Variants in BEST4 observed in about 807,000 individuals in gnomAD.
BEST4 encodes bestrophin 4.
In BEST4, 36 loss-of-function variants were observed where a neutral mutation model predicts 47.1. The ratio of observed to expected loss-of-function variants is 0.76; its 90% CI spans 0.59 to 1.01. BEST4 has a LOEUF of 1.01. Among genes scored for constraint, BEST4 ranks in the 50% least tolerant of loss-of-function variants. BEST4 has a pLI of 0.00. For missense variants in BEST4, 550 were observed against 648.6 expected (o/e 0.85, Z 1.65); for synonymous variants, 250 against 277.8 (o/e 0.90, Z 1.00).
chr1:44,784,335 C>G lies in BEST4; in HGVS notation c.1297G>C (p.Val433Leu), dbSNP rs59895800. 0.19 allele frequency: 259,622 copies of G among 1,390,778 alleles called. 24,809 individuals are homozygous for G. Among genetic ancestry groups the G allele is most frequent in the Non-Finnish European group, 0.19 (209,849 of 1,081,852 alleles). 86.2% of individuals were successfully genotyped at this position (1,390,778 alleles called of 1,614,324 possible). A position where few individuals can be genotyped will look rare whatever the true frequency, so the allele number is the denominator to read the frequency against. Residue 433 changes from valine to leucine, a missense_variant, in exon 9 of 9, where the codon GTG becomes CTG. By Grantham distance (32) the Val-to-Leu change is conservative. Around this residue, in one of 3 missense-constraint regions of BEST4, gnomAD observed 255 missense variants for 286.6 expected, o/e 0.89. Coordinates refer to ENST00000372207, the MANE Select transcript of BEST4 (RefSeq NM_153274.3). The surrounding 1 kb of genome is among the most constrained non-coding windows in gnomAD (Gnocchi z 6.2). ...PAISLRNFGR[V>L]RGTPRPPHLL... ...TGCGGGGGGCGGGGGGTGCCTCGCA[C>G]GCGGCCGAAGTTCCGGAGGCTGATG...
At chr1:44,785,896 G>A (rs1031540529) in intron 4 of BEST4, among the ~76,000 whole-genome samples, 178 bp downstream of exon 4, 2 of 152,302 alleles carry the variant, frequency 1.3e-5, no homozygotes, top group Admixed American at 6.5e-5. Context: ...GTGCAAGGAG[G>A]ATGATAGTAC....
rs1328703401 is a variant in BEST4 at position 44,787,580 on chromosome 1, C to G, written c.126G>C (p.Leu42Phe). Residue 42 changes from leucine (L) to phenylalanine (F), a missense_variant, in exon 1 of 9, where the codon TTG becomes TTC. Physicochemically the swap from Leu to Phe is conservative, Grantham distance 22. This residue lies in a region of BEST4 where 291 missense variants were observed against 342.4 expected (regional missense o/e 0.85). Coordinates refer to ENST00000372207, the MANE Select transcript of BEST4 (RefSeq NM_153274.3). ...LYKEFLLFGA[L>F]YAVLSITYRL... ...GGTAGGTGATGCTAAGCACAGCGTA[C>G]AAGGCCCCAAAGAGGAGGAATTCCT... The G allele has an allele frequency of 6.2e-7, 1 of 1,614,096 alleles. No homozygotes were observed.
chr1:44,782,243 A>G (rs1276290139), downstream of BEST4, among the ~76,000 whole-genome samples: 1 of 152,142 alleles, frequency 6.6e-6, no homozygotes, highest in African/African-American at 2.4e-5. Flanking sequence ...CAGAAAAAAA[A>G]AAAAAAACCT....
chr1:44,785,132 G>C lies in BEST4; in HGVS notation c.888C>G (p.Phe296Leu), dbSNP rs1227368775. 4 of 1,613,946 alleles carry C rather than the reference G, an allele frequency of 2.5e-6. No homozygotes were observed. The highest frequency in any genetic ancestry group is 3.4e-6 in the Non-Finnish European group (4 of 1,179,940). Residue 296 changes from phenylalanine to leucine, a missense_variant, in exon 6 of 9, where the codon TTC becomes TTG. Transcript: ENST00000372207. ...CCTTGAGCCAGCCAGCATAGAAGAAGAACTGCAGCAGAGTGGTGAGAGGCA... is the reference window on the plus strand; with the variant it reads ...CCTTGAGCCAGCCAGCATAGAAGAACAACTGCAGCAGAGTGGTGAGAGGCA... ...MYVPLTTLLQ[F>L]FFYAGWLKVA...
chr1:44,790,833 C>A (rs1651390198), upstream of BEST4, among the ~76,000 whole-genome samples: 1 of 152,032 alleles, frequency 6.6e-6, no homozygotes, highest in Non-Finnish European at 1.5e-5. Flanking sequence ...ATCACTTGAG[C>A]CCAGGAGTTT....
chr1:44,784,206 G>A lies in BEST4; in HGVS notation c.*4C>T. 2 of 1,420,268 alleles carry A rather than the reference G, an allele frequency of 1.4e-6. No individual in the cohort carries two copies. Among genetic ancestry groups the A allele is most frequent in the South Asian group, 1.5e-5 (1 of 67,730 alleles). 88.0% of individuals were successfully genotyped at this position (1,420,268 alleles called of 1,614,324 possible). ...GGGGAAACCGGGCGGGGGCAGGCGA[G>A]ACCTCAGGGCTCCAGGGCCTCGTCC... On this transcript the variant is annotated 3_prime_UTR_variant, in exon 9 of 9. Transcript: ENST00000372207. This position sits in a 1 kb window ranked among gnomAD's most constrained non-coding sequence, Gnocchi z 6.2.
rs1438221829 is a variant in BEST4, at chr1:44,784,259, C to T, written c.1373G>A (p.Arg458His). ...GGACTCCGCCGATTCCTCCTCGATG[C>T]GGGCTGCGGCCTCGGGGTCGCCGCC... Reference protein sequence around the residue: ...EEGGDPEAAARIEEESAESGD... With the variant: ...EEGGDPEAAAHIEEESAESGD... Residue 458 changes from arginine (R) to histidine (H), a missense_variant, in exon 9 of 9, where the codon CGC becomes CAC. By Grantham distance (29) the Arg-to-His change is conservative. This residue lies in a region of BEST4 where 255 missense variants were observed against 286.6 expected (regional missense o/e 0.89). Transcript: ENST00000372207. The surrounding 1 kb of genome is among the most constrained non-coding windows in gnomAD (Gnocchi z 6.2). 2.1e-6 allele frequency: 3 copies of T among 1,451,542 alleles called. No individual in the cohort carries two copies. The highest frequency in any genetic ancestry group is 2.7e-5 in the Admixed American group (1 of 36,944). The allele number at this position is 1,451,542 out of a possible 1,614,324, so 89.9% of individuals were successfully genotyped here.
At chr1:44,788,846 G>C (rs534148085), upstream of BEST4, among the ~76,000 whole-genome samples, 1 of 152,330 alleles carries the variant, frequency 6.6e-6, no homozygotes, top group South Asian at 2.1e-4. Flanking sequence ...TCAGGCCTAG[G>C]AGTGCAGGCT....
chr1:44,789,761 T>C (rs961032868), upstream of BEST4, among the ~76,000 whole-genome samples: 1 of 151,958 alleles, frequency 6.6e-6, no homozygotes, highest in African/African-American at 2.4e-5. Flanking sequence ...TGGAAGAGAA[T>C]TGGCAGCTTA....
At chr1:44,789,464 C>T (rs1165463138), upstream of BEST4, among the ~76,000 whole-genome samples, 5 of 150,192 alleles carry the variant, frequency 3.3e-5, no homozygotes, top group African/African-American at 4.9e-5. Flanking sequence ...TTTGGGAGGC[C>T]GAGGCAGGCG....
In BEST4 at chr1:44,786,719, G is replaced by A. The variant is rs1346832271; in HGVS notation, c.248-23C>T. On this transcript the variant is annotated intron_variant, in intron 2 of 8. Transcript: ENST00000372207. This position sits in a 1 kb window ranked among gnomAD's most constrained non-coding sequence, Gnocchi z 4.9. ...AACCTGCTTGGCCGCCGTGATAGAG[G>A]GAGTAGGAAGGGAGAGTGGAGAGCC... The A allele has an allele frequency of 2.6e-6, 4 of 1,529,218 alleles. No individual in the cohort carries two copies. Among genetic ancestry groups the A allele is most frequent in the African/African-American group, 1.4e-5 (1 of 72,608 alleles). 94.7% of individuals were successfully genotyped at this position (1,529,218 alleles called of 1,614,324 possible).
chr1:44,784,631 C>A lies in BEST4; in HGVS notation c.1146G>T (p.Leu382=). The change falls in exon 8 of 9, where the codon CTG becomes CTT. Residue 382 remains leucine (L), a splice_region_variant and synonymous_variant. Coordinates refer to ENST00000372207, the MANE Select transcript of BEST4 (RefSeq NM_153274.3). The surrounding 1 kb of genome is among the most constrained non-coding windows in gnomAD (Gnocchi z 6.2). ...CAGGCCCAGTGCAAGCCACTCACCG[C>A]AGGTTGAAGGTGGAGCCCAGGAATG... ...RPSFLGSTFN[L]RMSDDPEQSL... is the part of the protein sequence containing the mutation. 6.2e-7 allele frequency: 1 copy of A among 1,612,912 alleles called. No homozygotes were observed. Among genetic ancestry groups the A allele is most frequent in the Non-Finnish European group, 8.5e-7 (1 of 1,179,672 alleles).
Position 44,784,390 on chromosome 1 carries a change from G to A in BEST4, c.1242C>T (p.Arg414=). ...GGGAGGGCGCCCCTACGCCCAGGAA[G>A]CGGCCGAGCAACGGGGTCTGCGCGG... is the stretch of plus-strand genomic sequence containing the variant. ...APAAQTPLLG[R]FLGVGAPSPA... Residue 414 remains arginine (R), a synonymous_variant, in exon 9 of 9, where the codon CGC becomes CGT. Coordinates refer to ENST00000372207, the MANE Select transcript of BEST4 (RefSeq NM_153274.3). This position sits in a 1 kb window ranked among gnomAD's most constrained non-coding sequence, Gnocchi z 6.2. 2 of 1,402,536 alleles carry A rather than the reference G, an allele frequency of 1.4e-6. No individual in the cohort carries two copies. Among genetic ancestry groups the A allele is most frequent in the Non-Finnish European group, 1.8e-6 (2 of 1,090,386 alleles). 86.9% of individuals were successfully genotyped at this position (1,402,536 alleles called of 1,614,324 possible).
chr1:44,784,437 CGG>C lies in BEST4; in HGVS notation c.1193_1194del (p.Pro398ArgfsTer104). On this transcript the variant is annotated frameshift_variant, in exon 9 of 9. Transcript: ENST00000372207. LOFTEE classifies it low-confidence loss of function (END_TRUNC). This position sits in a 1 kb window ranked among gnomAD's most constrained non-coding sequence, Gnocchi z 6.2. ...GCGGCGGGCGCGGGCCGACCAGATC[CGG>C]GGGACGCCTCCACCTGCAGGCTCTG... is the stretch of plus-strand genomic sequence containing the variant. ...PEQSLQVEASPGSGRPAPAAQ... is the reference protein window; with the variant it reads ...PEQSLQVEASXGSGRPAPAAQ... 1 of 1,179,968 alleles carries C rather than the reference CGG, an allele frequency of 8.5e-7. No homozygotes were observed. Among genetic ancestry groups the C allele is most frequent in the Non-Finnish European group, 1.1e-6 (1 of 944,628 alleles). 73.1% of individuals were successfully genotyped at this position (1,179,968 alleles called of 1,614,324 possible). A position where few individuals can be genotyped will look rare whatever the true frequency, so the allele number is the denominator to read the frequency against.
Position 44,786,182 on chromosome 1 carries a change from G to A in BEST4, c.528C>T (p.Ser176=), listed in dbSNP as rs1311003142. The A allele has an allele frequency of 1.2e-6, 2 of 1,613,928 alleles. No individual in the cohort carries two copies. Among genetic ancestry groups the A allele is most frequent in the African/African-American group, 2.7e-5 (2 of 74,930 alleles). ...AGGGGACCCAGTACTTGTTGAAGTC[G>A]GATTTCAGGCTCTCAAACTTTTTCC... ...EERKKFESLK[S]DFNKYWVPCV... The change falls in exon 4 of 9, where the codon TCC becomes TCT. Residue 176 remains serine (S), a synonymous_variant. Coordinates refer to ENST00000372207, the MANE Select transcript of BEST4 (RefSeq NM_153274.3). This position sits in a 1 kb window ranked among gnomAD's most constrained non-coding sequence, Gnocchi z 4.9.
Position 44,786,448 on chromosome 1 carries a change from C to G in BEST4, c.481+15G>C. 4 of 1,499,552 alleles carry G rather than the reference C, an allele frequency of 2.7e-6. No individual in the cohort carries two copies. Among genetic ancestry groups the G allele is most frequent in the Non-Finnish European group, 3.6e-6 (4 of 1,123,450 alleles). The allele number at this position is 1,499,552 out of a possible 1,614,324, so 92.9% of individuals were successfully genotyped here. ...TGTGGGCCGGACCCCCAGAGGCTCCCGGCGGGCGGCGCACCTGCGTCCACC... is the reference window on the plus strand; with the variant it reads ...TGTGGGCCGGACCCCCAGAGGCTCCGGGCGGGCGGCGCACCTGCGTCCACC... On this transcript the variant is annotated intron_variant, in intron 3 of 8. Coordinates refer to ENST00000372207, the MANE Select transcript of BEST4 (RefSeq NM_153274.3). The surrounding 1 kb of genome is among the most constrained non-coding windows in gnomAD (Gnocchi z 4.9).
At chr1:44,792,545 A>T (rs1651439522), upstream of BEST4, among the ~76,000 whole-genome samples, 2 of 152,092 alleles carry the variant, frequency 1.3e-5, no homozygotes, top group South Asian at 4.1e-4. Context: ...GCACCAGGTG[A>T]GTGGGAAGTG....
rs1557614544 is a variant in BEST4 at position 44,787,798 on chromosome 1, A to G, written c.-93T>C. ...AACCTCCCTTCCACTCTGGTCTCAC[A>G]CACCCCAGCCTTCACCCTGCGTCAG... On this transcript the variant is annotated 5_prime_UTR_variant, in exon 1 of 9. Transcript: ENST00000372207. 2.7e-6 allele frequency: 4 copies of G among 1,481,330 alleles called. No individual in the cohort carries two copies. The highest frequency in any genetic ancestry group is 3.7e-6 in the Non-Finnish European group (4 of 1,080,540). The allele number at this position is 1,481,330 out of a possible 1,614,324, so 91.8% of individuals were successfully genotyped here.
chr1:44,786,126 G>C lies in BEST4; in HGVS notation c.584C>G (p.Ala195Gly). ...CVWFTNLAAQARRDGRIRDDI... is the reference protein window; with the variant it reads ...CVWFTNLAAQGRRDGRIRDDI... ...GTCACGTATTCGCCCGTCCCTCCGG[G>C]CCTGGGCCGCCAGGTTGGTGAACCA... is the stretch of plus-strand genomic sequence containing the variant. The change falls in exon 4 of 9, where the codon GCC becomes GGC. Residue 195 changes from alanine (A) to glycine (G), a missense_variant. Ala to Gly is a moderately conservative substitution (Grantham distance 60, BLOSUM62 0). Coordinates refer to ENST00000372207, the MANE Select transcript of BEST4 (RefSeq NM_153274.3). This position sits in a 1 kb window ranked among gnomAD's most constrained non-coding sequence, Gnocchi z 4.9. 1 of 1,614,038 alleles carries C rather than the reference G, an allele frequency of 6.2e-7. No homozygotes were observed.
Sources: gnomAD v4.1 joint callset for allele counts (sites outside exome capture counted in the v4.1 genomes callset) on GRCh38, gnomAD v4.1.1 for gene constraint, gnomAD v4.1.1 regional missense constraint, Gnocchi (gnomAD v3.1) non-coding constraint, MANE v1.5 for transcripts, NCBI Gene and HGNC (gene_info 2026-07-23, HGNC 2026-07-21) for gene names.